BICC1: variants seen among roughly 807,000 people sequenced by gnomAD.
The protein encoded by BICC1 is BicC family RNA binding protein 1, also known as protein bicaudal C homolog 1.
In BICC1, 43 loss-of-function variants were observed where a neutral mutation model predicts 111.0. The ratio of observed to expected loss-of-function variants is 0.39; its 90% CI spans 0.30 to 0.50. The LOEUF (loss-of-function observed/expected upper bound fraction) is 0.50. Among genes scored for constraint, BICC1 ranks in the 20% least tolerant of loss-of-function variants. BICC1 has a pLI of 0.88. For synonymous variants in BICC1, 467 were observed against 434.4 expected, an observed-to-expected ratio of 1.07 and a Z score of -0.93; for missense variants, 1,091 against 1,203.2, an observed-to-expected ratio of 0.91 and a Z score of 1.38.
At chr10:58,596,874 C>T (rs894146309) in intron 1 of BICC1, among the ~76,000 whole-genome samples, 1 of 152,120 alleles carries the variant, frequency 6.6e-6, no homozygotes, top group Non-Finnish European at 1.5e-5. Flanking sequence ...TCAAGGAGAA[C>T]TATAAACCAC....
intron 2 of BICC1, among the ~76,000 whole-genome samples, chr10:58,621,168 C>G (rs1393370631): frequency 6.6e-6 from 1 of 152,126 alleles, no homozygotes; most frequent in Non-Finnish European, 1.5e-5. Flanking sequence ...AGAGGTGGAT[C>G]AATTCATGTG....
intron 2 of BICC1, among the ~76,000 whole-genome samples, chr10:58,698,562 A>G (rs1840134495): frequency 1.3e-5 from 2 of 152,138 alleles, no homozygotes; most frequent in African/African-American, 4.8e-5. Flanking sequence ...ATTCTGAAAC[A>G]TGGCACACAG....
At chr10:58,721,499 A>G (rs1013916378) in intron 3 of BICC1, among the ~76,000 whole-genome samples, 3 of 152,172 alleles carry the variant, frequency 2.0e-5, no homozygotes, top group African/African-American at 4.8e-5. Context: ...AGTGTATTTT[A>G]TATATCAGTG....
At position 58,576,342 on chromosome 10, in the gene BICC1, A is replaced by G. The variant is rs145122736; in HGVS notation, c.191-44513A>G. The stretch of plus-strand genomic sequence containing the variant: ...AGAAAAGCAGCAGACATACAAAATA[A>G]AAGCCTGGATTTTTATTTCATTCCA... On this transcript the variant is annotated intron_variant, in intron 1 of 20. Transcript: ENST00000373886. Among the ~76,000 whole-genome samples, 1,366 of 152,358 alleles carry G rather than the reference A, an allele frequency of 9.0e-3. 15 individuals are homozygous for G. The highest frequency in any genetic ancestry group is 0.011 in the East Asian group (56 of 5,188).
intron 8 of BICC1, 111 bp downstream of exon 8, chr10:58,790,044 C>G: frequency 8.1e-7 from 1 of 1,235,682 alleles, no homozygotes; most frequent in Admixed American, 2.2e-5. Context: ...TCGGAAGCCT[C>G]GTCAAATAAG....
At chr10:58,697,045 A>C (rs868698815) in intron 2 of BICC1, among the ~76,000 whole-genome samples, 3 of 152,192 alleles carry the variant, frequency 2.0e-5, no homozygotes, top group African/African-American at 7.2e-5. Flanking sequence ...AGGAAGTACT[A>C]ATTATTTTAA....
chr10:58,788,267 T>A (rs1431187125), intron 5 of BICC1, 103 bp from the exon 6 acceptor site: 2 of 820,390 alleles, frequency 2.4e-6, no homozygotes, highest in Non-Finnish European at 4.0e-6. Flanking sequence ...CCTCTGTATT[T>A]GTCCCTGGAT....
rs150568015 is a variant in BICC1 at position 58,563,633 on chromosome 10, A to G, written c.190+50300A>G. 1.9e-3 allele frequency among the ~76,000 whole-genome samples: 296 copies of G among 152,274 alleles called. 4 individuals carry two copies. The highest frequency in any genetic ancestry group is 6.9e-3 in the African/African-American group (286 of 41,550). ...TCTTTGTTGTTTTGGTTCTTTGTGG[A>G]AGAGGCTAGCACTGGACACCTCCAC... is the stretch of plus-strand genomic sequence containing the variant. On this transcript the variant is annotated intron_variant, in intron 1 of 20. Coordinates refer to ENST00000373886, the MANE Select transcript of BICC1 (RefSeq NM_001080512.3).
At chr10:58,771,777 A>G (rs2132724708) in intron 3 of BICC1, among the ~76,000 whole-genome samples, 1 of 152,330 alleles carries the variant, frequency 6.6e-6, no homozygotes, top group Non-Finnish European at 1.5e-5. Flanking sequence ...AGTCCTGGTC[A>G]TGAGGTCTTT....
At chr10:58,630,689 T>C (rs1837766912) in intron 2 of BICC1, among the ~76,000 whole-genome samples, 1 of 152,192 alleles carries the variant, frequency 6.6e-6, no homozygotes, top group Non-Finnish European at 1.5e-5. Context: ...TCAACTGTGA[T>C]GCATAAAAGA....
intron 2 of BICC1, among the ~76,000 whole-genome samples, chr10:58,649,729 T>C (rs575807369): frequency 9.8e-4 from 149 of 152,334 alleles, no homozygotes; most frequent in African/African-American, 3.2e-3. Context: ...CTATTGGTAC[T>C]ATTCCATGGG....
intron 3 of BICC1, among the ~76,000 whole-genome samples, chr10:58,727,194 A>G (rs1315538728): frequency 6.6e-6 from 1 of 152,154 alleles, no homozygotes; most frequent in East Asian, 1.9e-4. Flanking sequence ...AGAAAATAAT[A>G]TATATATGAT....
At chr10:58,756,589 A>T (rs1304617253) in intron 3 of BICC1, among the ~76,000 whole-genome samples, 1 of 143,978 alleles carries the variant, frequency 6.9e-6, no homozygotes, top group Non-Finnish European at 1.5e-5. Flanking sequence ...CTTCTCAAGG[A>T]GTTCTTGGGA....
intron 2 of BICC1, among the ~76,000 whole-genome samples, chr10:58,633,645 T>G (rs1038638449): frequency 6.6e-6 from 1 of 152,172 alleles, no homozygotes; most frequent in African/African-American, 2.4e-5. Flanking sequence ...TTTGATGATA[T>G]GCAGTTTAAA....
rs139981992 is a variant in BICC1, at chr10:58,549,292, A to G, written c.190+35959A>G. Among the ~76,000 whole-genome samples, 78 of 152,342 alleles carry G rather than the reference A, an allele frequency of 5.1e-4. No homozygotes were observed. The East Asian group carries it at 0.012, about 24-fold the overall frequency. On this transcript the variant is annotated intron_variant, in intron 1 of 20. Coordinates refer to ENST00000373886, the MANE Select transcript of BICC1 (RefSeq NM_001080512.3). ...TTCTCATGCAGGTGTTTATGTTGAC[A>G]TAAAATTTCAAAGGAGCACAATTGC...
intron 2 of BICC1, among the ~76,000 whole-genome samples, chr10:58,699,888 C>T (rs1840178608): frequency 6.6e-6 from 1 of 152,112 alleles, no homozygotes; most frequent in Non-Finnish European, 1.5e-5. Flanking sequence ...GACGGAGTCT[C>T]ACTATATTGT....
chr10:58,666,843 T>C (rs977534313), intron 2 of BICC1, among the ~76,000 whole-genome samples: 4 of 152,144 alleles, frequency 2.6e-5, no homozygotes, highest in Admixed American at 2.0e-4. Flanking sequence ...CTTTCTTAAT[T>C]GAATTATTTA....
chr10:58,623,405 G>GT (rs913034421), intron 2 of BICC1, among the ~76,000 whole-genome samples: 2 of 151,408 alleles, frequency 1.3e-5, no homozygotes, highest in African/African-American at 4.9e-5. Context: ...CAACGTTACT[G>GT]TTTTTTCCAG....
At chr10:58,587,317 AGAATT>A (rs1034889036) in intron 1 of BICC1, among the ~76,000 whole-genome samples, 1 of 152,158 alleles carries the variant, frequency 6.6e-6, no homozygotes, top group African/African-American at 2.4e-5. Context: ...CCTATTAAGC[AGAATT>A]GAATTTTCTC....
Sources: gnomAD v4.1 joint callset for allele counts (sites outside exome capture counted in the v4.1 genomes callset) on GRCh38, gnomAD v4.1.1 for gene constraint, MANE v1.5 for transcripts, NCBI Gene and HGNC (gene_info 2026-07-23, HGNC 2026-07-21) for gene names.